Variants in ADCY5 observed in about 807,000 individuals in gnomAD.
ADCY5 encodes the protein adenylate cyclase type 5.
In ADCY5, 30 loss-of-function variants were observed where a neutral mutation model predicts 119.7. The ratio of observed to expected loss-of-function variants is 0.25; its 90% CI spans 0.19 to 0.34. The LOEUF (loss-of-function observed/expected upper bound fraction) is 0.34, where lower values mean the gene tolerates loss of function less well. ADCY5 is among the 10% of genes least tolerant of loss of function. The pLI is 1.00. For synonymous variants in ADCY5, 753 were observed against 762.2 expected, an observed-to-expected ratio of 0.99 and a Z score of 0.20; for missense variants, 1,324 against 1,775.2, an observed-to-expected ratio of 0.75 and a Z score of 4.57.
intron 3 of ADCY5, among the ~76,000 whole-genome samples, chr3:123,345,082 A>T (rs116745051): frequency 0.016 from 2,366 of 152,304 alleles, 61 homozygotes; most frequent in African/African-American, 0.054. Context: ...TTATCAACCC[A>T]AAGTCACTGC....
chr3:123,304,223 A>AC (rs1384340726), intron 12 of ADCY5, 40 bp from the exon 13 acceptor site: 1 of 1,236,816 alleles, frequency 8.1e-7, no homozygotes, highest in South Asian at 1.3e-5. Context: ...GGAGGGAGAG[A>AC]CGGAATAGCA....
At chr3:123,368,151 GAA>G (rs1943515972) in intron 1 of ADCY5, 1 of 865,396 alleles carries the variant, frequency 1.2e-6, no homozygotes, top group African/African-American at 1.7e-5. Flanking sequence ...CAACCTACAG[GAA>G]TCTGAATGCG....
chr3:123,328,922 A>T (rs1207504373), intron 5 of ADCY5, 120 bp from the exon 6 acceptor site: 8 of 1,076,156 alleles, frequency 7.4e-6, no homozygotes, highest in Non-Finnish European at 1.1e-5. Context: ...TCTCTCTCCC[A>T]TCCAGCCCTA....
In ADCY5 at chr3:123,300,179, C is replaced by T; in HGVS notation, c.2841G>A (p.Val947=). ...CGAAGAGCGTGACACCTGGCACCTC[C>T]ACGATGAGCACGTAGATGAGCTCGA... is the stretch of plus-strand genomic sequence containing the variant. ...LAIELIYVLI[V]EVPGVTLFDN... is the part of the protein sequence containing the mutation. Residue 947 remains valine (V), a synonymous_variant, in exon 15 of 21, where the codon GTG becomes GTA. Transcript: ENST00000462833. The T allele has an allele frequency of 1.2e-6, 2 of 1,613,870 alleles. No individual in the cohort carries two copies. The highest frequency in any genetic ancestry group is 1.3e-5 in the African/African-American group (1 of 75,062).
rs117446067 is a variant in ADCY5 at position 123,284,618 on chromosome 3, G to A, written c.3776C>T (p.Pro1259Leu). 141 of 1,614,214 alleles carry A rather than the reference G, an allele frequency of 8.7e-5. No homozygotes were observed. The East Asian group carries it at 1.8e-3, about 21-fold the overall frequency. ...MMTYFLNGGP[P>L]LS is the part of the protein sequence containing the mutation. ...ATTGGCCAACAGCTGCTAACTGAGCGGGGGCCCTCCATTGAGGAAGTAGGT... is the reference window on the plus strand; with the variant it reads ...ATTGGCCAACAGCTGCTAACTGAGCAGGGGCCCTCCATTGAGGAAGTAGGT... Residue 1259 changes from proline to leucine, a missense_variant, in exon 21 of 21, where the codon CCG becomes CTG. Around this residue, in one of 6 missense-constraint regions of ADCY5, gnomAD observed 178 missense variants for 329.6 expected, o/e 0.54. Transcript: ENST00000462833.
intron 1 of ADCY5, among the ~76,000 whole-genome samples, chr3:123,372,904 C>G (rs1943686200): frequency 6.6e-6 from 1 of 152,170 alleles, no homozygotes; most frequent in African/African-American, 2.4e-5. Context: ...ACAGCTACAG[C>G]AGAAAGTAGA....
intron 1 of ADCY5, among the ~76,000 whole-genome samples, chr3:123,360,666 T>C (rs1056728398): frequency 6.6e-6 from 1 of 152,236 alleles, no homozygotes; most frequent in African/African-American, 2.4e-5. Context: ...TAAAGTGTAA[T>C]GTTTATTTAA....
At chr3:123,417,362 C>A (rs1034754183) in intron 1 of ADCY5, among the ~76,000 whole-genome samples, 6 of 152,376 alleles carry the variant, frequency 3.9e-5, no homozygotes, top group South Asian at 2.1e-4. Flanking sequence ...CCTAATGGGG[C>A]AGTGAGGGAG....
At chr3:123,298,360 G>A (rs112094633) in intron 15 of ADCY5, among the ~76,000 whole-genome samples, 4,807 of 152,226 alleles carry the variant, frequency 0.032, 248 homozygotes, top group African/African-American at 0.11. Flanking sequence ...ACTGTCTGTT[G>A]CCAACTTCAG....
intron 3 of ADCY5, among the ~76,000 whole-genome samples, chr3:123,338,678 G>A: frequency 6.6e-6 from 1 of 152,318 alleles, no homozygotes; most frequent in East Asian, 1.9e-4. Flanking sequence ...TTCCCTAATT[G>A]CCTGCCATCC....
At chr3:123,390,859 C>A (rs1460807862) in intron 1 of ADCY5, among the ~76,000 whole-genome samples, 1 of 152,254 alleles carries the variant, frequency 6.6e-6, no homozygotes, top group Non-Finnish European at 1.5e-5. Flanking sequence ...GAGGTCTGCT[C>A]TCACATTGCC....
At chr3:123,296,967 C>T in intron 16 of ADCY5, 2 of 1,535,102 alleles carry the variant, frequency 1.3e-6, no homozygotes, top group African/African-American at 1.4e-5. Context: ...CCCACAAGCA[C>T]TGCAGCCCTC....
chr3:123,419,166 C>T (rs182072667), intron 1 of ADCY5: 1,341 of 985,302 alleles, frequency 1.4e-3, no homozygotes, highest in Non-Finnish European at 1.5e-3. Flanking sequence ...GAGAGAGCAC[C>T]GCATCCCCTC....
intron 12 of ADCY5, among the ~76,000 whole-genome samples, chr3:123,310,758 G>A (rs1194314316): frequency 6.6e-6 from 1 of 152,184 alleles, no homozygotes; most frequent in African/African-American, 2.4e-5. Context: ...AGGCATCTGA[G>A]GGGCAGTGGG....
Position 123,319,719 on chromosome 3 carries a change from G to A in ADCY5, c.2211C>T (p.Val737=). Residue 737 remains valine (V), a synonymous_variant, in exon 10 of 21, where the codon GTC becomes GTT. Transcript: ENST00000462833. ...CCCTGAAGGTCAGGAGGAACTTGCGGACGTGCTCAGACCGAAGCCTATCAA... is the reference window on the plus strand; with the variant it reads ...CCCTGAAGGTCAGGAGGAACTTGCGAACGTGCTCAGACCGAAGCCTATCAA... ...RSIDRLRSEH[V]RKFLLTFREP... is the part of the protein sequence containing the mutation. The A allele has an allele frequency of 6.2e-7, 1 of 1,614,232 alleles. No homozygotes were observed. The highest frequency in any genetic ancestry group is 2.2e-5 in the East Asian group (1 of 44,890).
intron 1 of ADCY5, chr3:123,416,416 C>T: frequency 2.3e-6 from 3 of 1,330,130 alleles, no homozygotes; most frequent in Non-Finnish European, 3.0e-6. Flanking sequence ...GGACAACCTC[C>T]CAAAGGGCCT....
chr3:123,416,046 T>C (rs775133710), intron 1 of ADCY5: 16 of 905,330 alleles, frequency 1.8e-5, no homozygotes, highest in South Asian at 1.6e-4. Context: ...AAATCCAAGA[T>C]AAAGTTCCCA....
chr3:123,293,129 C>G (rs1454841957), intron 17 of ADCY5, among the ~76,000 whole-genome samples: 2 of 152,256 alleles, frequency 1.3e-5, no homozygotes, highest in Non-Finnish European at 2.9e-5. Flanking sequence ...GGGCTACAGC[C>G]TCTTGGTGGC....
chr3:123,430,029 T>C (rs1175978953), intron 1 of ADCY5, among the ~76,000 whole-genome samples: 1 of 151,996 alleles, frequency 6.6e-6, no homozygotes, highest in Non-Finnish European at 1.5e-5. Flanking sequence ...CAGGTCAGCA[T>C]CTCCTCCATT....
Sources: gnomAD v4.1 joint callset for allele counts (sites outside exome capture counted in the v4.1 genomes callset) on GRCh38, gnomAD v4.1.1 for gene constraint, gnomAD v4.1.1 regional missense constraint, MANE v1.5 for transcripts, NCBI Gene and HGNC (gene_info 2026-07-23, HGNC 2026-07-21) for gene names.